The following SLC13A3 variants were observed in gnomAD, a reference collection of about 807,000 sequenced individuals.
SLC13A3 encodes Na(+)/dicarboxylate cotransporter 3.
SLC13A3 carries 40 observed loss-of-function variants against 59.0 expected under a neutral mutation model. The observed-to-expected ratio is 0.68, with a 90% confidence interval of 0.53 to 0.88. The LOEUF (loss-of-function observed/expected upper bound fraction) is 0.88. Among genes scored for constraint, SLC13A3 ranks in the 40% least tolerant of loss-of-function variants. The pLI is 0.00. For missense variants in SLC13A3, 699 were observed against 783.2 expected, an observed-to-expected ratio of 0.89 and a Z score of 1.28; for synonymous variants, 317 against 330.3, an observed-to-expected ratio of 0.96 and a Z score of 0.44.
chr20:46,596,031 A>G, intron 5 of SLC13A3, 126 bp downstream of exon 5: 1 of 824,446 alleles, frequency 1.2e-6, no homozygotes, highest in Non-Finnish European at 1.9e-6. Flanking sequence ...GATTTTGTGC[A>G]TTGCTGTGTT....
At chr20:46,560,840 A>C (rs926610781) in intron 12 of SLC13A3, among the ~76,000 whole-genome samples, 4 of 152,108 alleles carry the variant, frequency 2.6e-5, no homozygotes, top group Non-Finnish European at 5.9e-5. Flanking sequence ...CTTGGGCTGA[A>C]AATCCTTGTT....
intron 10 of SLC13A3, among the ~76,000 whole-genome samples, chr20:46,571,728 G>T (rs2062029726): frequency 6.6e-6 from 1 of 152,072 alleles, no homozygotes. Context: ...TATAGGAATA[G>T]GCAGGGTCAT....
chr20:46,628,798 C>T (rs536118492), intron 1 of SLC13A3, among the ~76,000 whole-genome samples: 3 of 152,346 alleles, frequency 2.0e-5, no homozygotes, highest in East Asian at 3.9e-4. Flanking sequence ...GGACTAGGGT[C>T]CACCATTCTG....
intron 10 of SLC13A3, among the ~76,000 whole-genome samples, chr20:46,566,818 T>C (rs2061985214): frequency 6.7e-6 from 1 of 149,708 alleles, no homozygotes; most frequent in Non-Finnish European, 1.5e-5. Context: ...TATTATTTAA[T>C]AATATATTAA....
rs148275942 is a variant in SLC13A3 at position 46,645,806 on chromosome 20, T to G, written c.111+5505A>C. Among the ~76,000 whole-genome samples, 129 of 152,326 alleles carry G rather than the reference T, an allele frequency of 8.5e-4. 1 individual carries two copies. The highest frequency in any genetic ancestry group is 2.5e-3 in the Admixed American group (39 of 15,300). Reference sequence around the variant, plus strand: ...CTATCAATTGCTAGTTTTCTTCTCCTAATCATCAGTGATGATCCTGGTTTT... The same window carrying G: ...CTATCAATTGCTAGTTTTCTTCTCCGAATCATCAGTGATGATCCTGGTTTT... On this transcript the variant is annotated intron_variant, in intron 1 of 12. Coordinates refer to ENST00000279027, the MANE Select transcript of SLC13A3 (RefSeq NM_022829.6).
chr20:46,674,310 C>T (rs972088281), upstream of SLC13A3, among the ~76,000 whole-genome samples: 4 of 152,112 alleles, frequency 2.6e-5, no homozygotes, highest in Non-Finnish European at 5.9e-5. Flanking sequence ...CCTTCTTTCC[C>T]CTGGAGGGGG....
chr20:46,653,522 CAA>C (rs2062966081), upstream of SLC13A3, among the ~76,000 whole-genome samples: 1 of 151,922 alleles, frequency 6.6e-6, no homozygotes, highest in East Asian at 1.9e-4. Context: ...AACAAACAAA[CAA>C]AAAAAGAACA....
intron 4 of SLC13A3, 84 bp downstream of exon 4, chr20:46,599,886 GA>G: frequency 7.4e-6 from 8 of 1,083,052 alleles, no homozygotes; most frequent in South Asian, 3.5e-5. Flanking sequence ...GGGATGGGAG[GA>G]AAATGGTTTG....
rs373019494 is a variant in SLC13A3, at chr20:46,649,615, T to C, written c.111+1696A>G. Among the ~76,000 whole-genome samples the C allele has an allele frequency of 5.4e-4, 82 of 152,262 alleles. 1 individual carries two copies. In the South Asian group the frequency reaches 0.016, roughly 30 times the overall value. On this transcript the variant is annotated intron_variant, in intron 1 of 12. Transcript: ENST00000279027. Reference sequence around the variant, plus strand: ...CCACCAAAGATGTTTCACAAAGCCTTACTCAACCTCTCACATCAATCCCAG... The same window carrying C: ...CCACCAAAGATGTTTCACAAAGCCTCACTCAACCTCTCACATCAATCCCAG...
rs188813299 is a variant in SLC13A3 at position 46,565,050 on chromosome 20, T to C, written c.1494+1179A>G. 7.2e-5 allele frequency among the ~76,000 whole-genome samples: 11 copies of C among 152,364 alleles called. No individual in the cohort carries two copies. In the East Asian group the frequency reaches 2.1e-3, roughly 29 times the overall value. ...TACTTGCATCATTGATTTAATTTTA[T>C]CAGCGTGGGTTACATTAAGGTAATT... On this transcript the variant is annotated intron_variant, in intron 11 of 12. Transcript: ENST00000279027.
intron 1 of SLC13A3, 24 bp downstream of exon 1, chr20:46,651,287 G>A: frequency 2.0e-6 from 3 of 1,467,700 alleles, no homozygotes; most frequent in Admixed American, 2.5e-5. Context: ...TTGACCGGGG[G>A]CGCACAGGCG....
At chr20:46,575,825 C>T (rs1184810786) in intron 9 of SLC13A3, 140 bp from the exon 10 acceptor site, 3 of 502,142 alleles carry the variant, frequency 6.0e-6, no homozygotes, top group Non-Finnish European at 1.1e-5. Context: ...TGACTTGGAG[C>T]TTTAGGGAGA....
chr20:46,563,383 G>T lies in SLC13A3; in HGVS notation c.1632+31C>A, dbSNP rs1270540911. 3 of 1,602,788 alleles carry T rather than the reference G, an allele frequency of 1.9e-6. No individual in the cohort carries two copies. The East Asian group carries it at 6.7e-5, about 36-fold the overall frequency. ...CCCCCTTGCGGCCCACCCACATCCC[G>T]GGGCCTCTGCTGGGAAATGCCCAGA... On this transcript the variant is annotated intron_variant, in intron 12 of 12. Coordinates refer to ENST00000279027, the MANE Select transcript of SLC13A3 (RefSeq NM_022829.6).
At chr20:46,632,156 C>T (rs2062745514) in intron 1 of SLC13A3, among the ~76,000 whole-genome samples, 1 of 152,196 alleles carries the variant, frequency 6.6e-6, no homozygotes, top group Non-Finnish European at 1.5e-5. Flanking sequence ...GCAGTGCCCT[C>T]CTGCTGCCTA....
chr20:46,577,930 C>T (rs1335323122), intron 9 of SLC13A3, among the ~76,000 whole-genome samples: 1 of 152,232 alleles, frequency 6.6e-6, no homozygotes, highest in Non-Finnish European at 1.5e-5. Flanking sequence ...GAAATGGTCC[C>T]ACTGTGCAAA....
chr20:46,611,478 G>A, intron 2 of SLC13A3, among the ~76,000 whole-genome samples: 1 of 152,134 alleles, frequency 6.6e-6, no homozygotes, highest in East Asian at 1.9e-4. Flanking sequence ...CATAGATGGA[G>A]TCTGTCCCAC....
At chr20:46,657,877 C>G (rs1223138249) in intron 1 of SLC13A3, among the ~76,000 whole-genome samples, 1 of 152,104 alleles carries the variant, frequency 6.6e-6, no homozygotes, top group Non-Finnish European at 1.5e-5. Flanking sequence ...TTCCTGAGAA[C>G]TCATATCTCA....
intron 1 of SLC13A3, among the ~76,000 whole-genome samples, chr20:46,614,679 T>C (rs961908345): frequency 6.6e-6 from 1 of 152,164 alleles, no homozygotes; most frequent in Admixed American, 6.5e-5. Flanking sequence ...GTGATGTAGG[T>C]ATGATTATTA....
At chr20:46,682,719 G>A (rs2063159352) in intron 1 of SLC13A3, among the ~76,000 whole-genome samples, 1 of 152,164 alleles carries the variant, frequency 6.6e-6, no homozygotes, top group Non-Finnish European at 1.5e-5. Flanking sequence ...TCCCAGCTCT[G>A]TCACTTATTG....
Sources: gnomAD v4.1 joint callset for allele counts (sites outside exome capture counted in the v4.1 genomes callset) on GRCh38, gnomAD v4.1.1 for gene constraint, MANE v1.5 for transcripts, NCBI Gene and HGNC (gene_info 2026-07-23, HGNC 2026-07-21) for gene names.